Variants in LYPLAL1 observed in about 807,000 individuals in gnomAD.
The protein encoded by LYPLAL1 is lysophospholipase-like protein 1.
LYPLAL1 carries 23 observed loss-of-function variants against 19.7 expected under a neutral mutation model. The observed-to-expected ratio is 1.17, with a 90% CI of 0.84 to 1.65. The LOEUF is 1.65. LYPLAL1 is among the 40% of genes most tolerant of loss of function. LYPLAL1 has a pLI of 0.00. For synonymous variants in LYPLAL1, 119 were observed against 96.3 expected, an observed-to-expected ratio of 1.24 and a Z score of -1.38; for missense variants, 355 against 279.4, an observed-to-expected ratio of 1.27 and a Z score of -1.93.
the LYPLAL1 span, among the ~76,000 whole-genome samples, chr1:219,306,785 G>C: frequency 3.4e-5 from 5 of 147,910 alleles, no homozygotes; most frequent in Admixed American, 6.8e-5. Flanking sequence ...TAGATAGATA[G>C]ATACATAGAC....
chr1:219,189,923 AAC>A (rs947152781), intron 2 of LYPLAL1, among the ~76,000 whole-genome samples: 1 of 151,662 alleles, frequency 6.6e-6, no homozygotes, highest in African/African-American at 2.4e-5. Context: ...CAAGTATGAA[AAC>A]ACAGACTAGA....
the LYPLAL1 span, among the ~76,000 whole-genome samples, chr1:219,223,447 T>C: frequency 6.6e-6 from 1 of 152,228 alleles, no homozygotes; most frequent in South Asian, 2.1e-4. Flanking sequence ...AAAATAAGTG[T>C]GAAATTATAT....
the LYPLAL1 span, among the ~76,000 whole-genome samples, chr1:219,283,583 TA>T: frequency 6.6e-6 from 1 of 152,154 alleles, no homozygotes; most frequent in South Asian, 2.1e-4. Flanking sequence ...ATAAAATTAA[TA>T]ATATAATATT....
chr1:219,329,963 C>T, the LYPLAL1 span, among the ~76,000 whole-genome samples: 1 of 151,940 alleles, frequency 6.6e-6, no homozygotes, highest in Admixed American at 6.6e-5. Flanking sequence ...ATAAAAAGCA[C>T]TAAGTTGCCA....
intron 2 of LYPLAL1, among the ~76,000 whole-genome samples, chr1:219,191,862 A>C (rs1465917510): frequency 6.6e-6 from 1 of 151,646 alleles, no homozygotes; most frequent in African/African-American, 2.4e-5. Flanking sequence ...ATGTGTTACA[A>C]AGTAATGTTT....
the LYPLAL1 span, among the ~76,000 whole-genome samples, chr1:219,268,402 G>A: frequency 6.6e-6 from 1 of 152,204 alleles, no homozygotes; most frequent in South Asian, 2.1e-4. Flanking sequence ...AGGTGCTAAG[G>A]CCTCTAAACA....
chr1:219,327,963 A>G, the LYPLAL1 span, among the ~76,000 whole-genome samples: 1 of 152,206 alleles, frequency 6.6e-6, no homozygotes, highest in African/African-American at 2.4e-5. Context: ...GCAACATTGA[A>G]AATGGACTAA....
the LYPLAL1 span, among the ~76,000 whole-genome samples, chr1:219,292,702 C>T: frequency 6.6e-6 from 1 of 152,224 alleles, no homozygotes; most frequent in Non-Finnish European, 1.5e-5. Flanking sequence ...GTACTACATA[C>T]TGTGCACTAC....
chr1:219,391,522 G>A, the LYPLAL1 span, among the ~76,000 whole-genome samples: 1 of 151,992 alleles, frequency 6.6e-6, no homozygotes, highest in South Asian at 2.1e-4. Flanking sequence ...GTTAACCAAA[G>A]GAGGCTTATT....
chr1:219,180,581 C>A (rs1245961225), intron 2 of LYPLAL1, among the ~76,000 whole-genome samples: 27 of 152,056 alleles, frequency 1.8e-4, no homozygotes, highest in Admixed American at 1.8e-3. Flanking sequence ...AATTGCATGT[C>A]TTTGAAAATG....
At chr1:219,391,748 A>G in the LYPLAL1 span, among the ~76,000 whole-genome samples, 211 of 152,010 alleles carry the variant, frequency 1.4e-3, 1 homozygote, top group African/African-American at 5.0e-3. Flanking sequence ...TTTTGTTTCT[A>G]CTCTTGGGAA....
At chr1:219,349,431 T>G in the LYPLAL1 span, among the ~76,000 whole-genome samples, 1 of 152,152 alleles carries the variant, frequency 6.6e-6, no homozygotes, top group African/African-American at 2.4e-5. Context: ...GAGAGAGATG[T>G]GAACAGACTG....
At chr1:219,265,879 A>G in the LYPLAL1 span, among the ~76,000 whole-genome samples, 2 of 152,184 alleles carry the variant, frequency 1.3e-5, no homozygotes, top group African/African-American at 2.4e-5. Context: ...GAAAAAGTAC[A>G]GTAAAAGTAC....
At chr1:219,246,411 T>A in the LYPLAL1 span, among the ~76,000 whole-genome samples, 1,152 of 152,250 alleles carry the variant, frequency 7.6e-3, 4 homozygotes, top group South Asian at 0.023. Context: ...TTTCTATCTT[T>A]ATCTAGGTCT....
the LYPLAL1 span, among the ~76,000 whole-genome samples, chr1:219,276,225 G>C: frequency 6.6e-6 from 1 of 152,048 alleles, no homozygotes; most frequent in African/African-American, 2.4e-5. Context: ...GACTCTTTTG[G>C]TGACAATTTT....
At chr1:219,386,020 T>TG in the LYPLAL1 span, among the ~76,000 whole-genome samples, 4 of 152,080 alleles carry the variant, frequency 2.6e-5, no homozygotes, top group African/African-American at 9.7e-5. Context: ...CTCTAGTGGA[T>TG]GGGGGACTCC....
chr1:219,230,902 T>C, the LYPLAL1 span, among the ~76,000 whole-genome samples: 5 of 152,204 alleles, frequency 3.3e-5, no homozygotes, highest in Admixed American at 2.6e-4. Flanking sequence ...CCATCCAACA[T>C]TGTGCCAGAC....
chr1:219,431,431 C>T, the LYPLAL1 span, among the ~76,000 whole-genome samples: 1 of 152,136 alleles, frequency 6.6e-6, no homozygotes, highest in Non-Finnish European at 1.5e-5. Context: ...TGGAGCATGC[C>T]CTGCTGCTGA....
chr1:219,410,802 G>A, the LYPLAL1 span, among the ~76,000 whole-genome samples: 1 of 152,260 alleles, frequency 6.6e-6, no homozygotes, highest in Non-Finnish European at 1.5e-5. Flanking sequence ...CGGGCCAGTG[G>A]CTGTGGAGGG....
Sources: gnomAD v4.1 joint callset for allele counts (sites outside exome capture counted in the v4.1 genomes callset) on GRCh38, gnomAD v4.1.1 for gene constraint, MANE v1.5 for transcripts, NCBI Gene and HGNC (gene_info 2026-07-23, HGNC 2026-07-21) for gene names.